RERG: variants seen among roughly 807,000 people sequenced by gnomAD.
RERG encodes the protein ras-related and estrogen-regulated growth inhibitor.
RERG carries 25 observed loss-of-function variants against 23.2 expected under a neutral mutation model. The observed-to-expected ratio is 1.08, with a 90% CI of 0.79 to 1.50. RERG has a LOEUF of 1.50. Ranked by LOEUF, RERG falls within the 40% of genes most tolerant of loss-of-function variation. The pLI is 0.00. For synonymous variants in RERG, 81 were observed against 89.1 expected, an observed-to-expected ratio of 0.91 and a Z score of 0.51; for missense variants, 253 against 250.1, an observed-to-expected ratio of 1.01 and a Z score of -0.08.
At chr12:15,220,939 G>A (rs989655011) in intron 1 of RERG, among the ~76,000 whole-genome samples, 1 of 152,180 alleles carries the variant, frequency 6.6e-6, no homozygotes, top group African/African-American at 2.4e-5. Context: ...ATTGTGGACT[G>A]CAAGTCACTT....
intron 2 of RERG, among the ~76,000 whole-genome samples, chr12:15,171,234 A>G (rs1158503541): frequency 1.3e-5 from 2 of 152,192 alleles, no homozygotes; most frequent in African/African-American, 4.8e-5. Flanking sequence ...TGAGTTGATT[A>G]ATAGCGTGAA....
chr12:15,143,339 CAT>C (rs1565517486), intron 2 of RERG, among the ~76,000 whole-genome samples: 1 of 18,250 alleles, frequency 5.5e-5, no homozygotes, highest in South Asian at 1.2e-3. Flanking sequence ...TAAATATATA[CAT>C]ACACACATGT....
chr12:15,213,230 CT>C (rs1865393346), intron 2 of RERG, among the ~76,000 whole-genome samples: 1 of 152,228 alleles, frequency 6.6e-6, no homozygotes, highest in South Asian at 2.1e-4. Flanking sequence ...TATCAGCCCC[CT>C]CCCACACTTA....
At chr12:15,171,068 G>C in intron 2 of RERG, among the ~76,000 whole-genome samples, 1 of 152,138 alleles carries the variant, frequency 6.6e-6, no homozygotes, top group East Asian at 1.9e-4. Flanking sequence ...AAATTTTCAG[G>C]TCTCTGTCTG....
At chr12:15,128,016 T>C (rs1254907069) in intron 2 of RERG, among the ~76,000 whole-genome samples, 1 of 152,216 alleles carries the variant, frequency 6.6e-6, no homozygotes, top group African/African-American at 2.4e-5. Flanking sequence ...CCCAACTCTG[T>C]TTACCTTAAA....
intron 2 of RERG, among the ~76,000 whole-genome samples, chr12:15,140,544 GT>G (rs1188768849): frequency 1.5e-5 from 2 of 131,684 alleles, no homozygotes; most frequent in East Asian, 2.2e-4. Flanking sequence ...CCTATGTAAT[GT>G]TTTTTTCTCC....
intron 2 of RERG, among the ~76,000 whole-genome samples, chr12:15,126,128 C>CATATATATAT (rs67901734): frequency 0.031 from 2,749 of 88,930 alleles, 128 homozygotes; most frequent in African/African-American, 0.04. Context: ...TTGTATATAC[C>CATATATATAT]ATATATATAT....
intron 2 of RERG, among the ~76,000 whole-genome samples, chr12:15,189,072 C>T (rs2136133511): frequency 6.6e-6 from 1 of 152,296 alleles, no homozygotes; most frequent in Admixed American, 6.5e-5. Context: ...ATTGCAGTAG[C>T]CTCCTAACTG....
Position 15,137,733 on chromosome 12 carries a change from T to A in RERG, c.62-16614A>T, listed in dbSNP as rs137929500. The A allele has an allele frequency of 3.2e-5, 11 of 343,670 alleles. No individual in the cohort carries two copies. The East Asian group carries it at 7.4e-4, about 23-fold the overall frequency. 21.3% of individuals were successfully genotyped at this position (343,670 alleles called of 1,614,324 possible). The stretch of plus-strand genomic sequence containing the variant: ...CGTTGTCATTCATTCAACTTATACA[T>A]GAGCAATTATAAATACATTGTTTCC... On this transcript the variant is annotated intron_variant, in intron 2 of 4. Transcript: ENST00000256953.
chr12:15,192,200 G>A (rs1004558653), intron 2 of RERG, among the ~76,000 whole-genome samples: 8 of 152,078 alleles, frequency 5.3e-5, no homozygotes, highest in African/African-American at 1.4e-4. Flanking sequence ...ACAAGTGTGC[G>A]GCATTTCGCT....
intron 2 of RERG, among the ~76,000 whole-genome samples, chr12:15,206,250 G>T (rs1049740924): frequency 1.3e-5 from 2 of 151,940 alleles, no homozygotes; most frequent in South Asian, 4.1e-4. Context: ...TAGTTTTAAG[G>T]AACCACAGGA....
chr12:15,166,534 G>GGTGGTGGTA (rs1197843173), intron 2 of RERG, among the ~76,000 whole-genome samples: 15 of 151,240 alleles, frequency 9.9e-5, no homozygotes, highest in East Asian at 7.8e-4. Flanking sequence ...TGGTGGTGGT[G>GGTGGTGGTA]GTGGTGGTAG....
intron 3 of RERG, 91 bp from the exon 4 acceptor site, chr12:15,111,508 T>C (rs1411713708): frequency 1.0e-6 from 1 of 977,594 alleles, no homozygotes; most frequent in Non-Finnish European, 1.6e-6. Flanking sequence ...ATGGGAGAAG[T>C]ATTCCTGATT....
chr12:15,171,503 G>A (rs1259043444), intron 2 of RERG, among the ~76,000 whole-genome samples: 2 of 152,268 alleles, frequency 1.3e-5, no homozygotes, highest in Admixed American at 6.5e-5. Flanking sequence ...GGTGGGAGGA[G>A]AGGAGCCTCC....
At chr12:15,172,802 C>T (rs1864794869) in intron 2 of RERG, among the ~76,000 whole-genome samples, 1 of 151,940 alleles carries the variant, frequency 6.6e-6, no homozygotes, top group South Asian at 2.1e-4. Flanking sequence ...CTATTCAAAT[C>T]CCTTGTCCAT....
intron 2 of RERG, among the ~76,000 whole-genome samples, chr12:15,212,961 T>C (rs893438849): frequency 6.6e-6 from 1 of 152,218 alleles, no homozygotes; most frequent in Non-Finnish European, 1.5e-5. Flanking sequence ...GAAAAATCAC[T>C]TCTCTTTGTG....
At chr12:15,119,779 G>A (rs1863798366) in intron 3 of RERG, among the ~76,000 whole-genome samples, 1 of 152,158 alleles carries the variant, frequency 6.6e-6, no homozygotes, top group Non-Finnish European at 1.5e-5. Context: ...ACATAAAGAT[G>A]TGGATCTTCT....
rs35147010 is a variant in RERG, at chr12:15,221,221, G to A, written c.-141C>T. ...TGTTCACACTCTCCAGGCCAGGAGAGCTACGGTCCTCTGCAAGTTCGGAAT... is the reference window on the plus strand; with the variant it reads ...TGTTCACACTCTCCAGGCCAGGAGAACTACGGTCCTCTGCAAGTTCGGAAT... On this transcript the variant is annotated 5_prime_UTR_variant, in exon 1 of 5. Transcript: ENST00000256953. 2.0e-5 allele frequency: 3 copies of A among 152,292 alleles called. No homozygotes were observed. Among genetic ancestry groups the A allele is most frequent in the Non-Finnish European group, 4.4e-5 (3 of 68,082 alleles). 9.4% of individuals were successfully genotyped at this position (152,292 alleles called of 1,614,324 possible).
chr12:15,208,693 GAATA>G (rs1286387934), intron 2 of RERG, among the ~76,000 whole-genome samples: 1 of 151,970 alleles, frequency 6.6e-6, no homozygotes, highest in African/African-American at 2.4e-5. Flanking sequence ...CTGAATGAAT[GAATA>G]AAAATATATT....
Sources: gnomAD v4.1 joint callset for allele counts (sites outside exome capture counted in the v4.1 genomes callset) on GRCh38, gnomAD v4.1.1 for gene constraint, MANE v1.5 for transcripts, NCBI Gene and HGNC (gene_info 2026-07-23, HGNC 2026-07-21) for gene names.